The following ADAMTS20 variants were observed in gnomAD, a reference collection of about 807,000 sequenced individuals.
The protein encoded by ADAMTS20 is ADAM metallopeptidase with thrombospondin type 1 motif 20.
ADAMTS20 carries 225 observed loss-of-function variants against 260.1 expected under a neutral mutation model. That is an observed-to-expected ratio of 0.87 (90% confidence interval 0.78 to 0.97). The LOEUF (loss-of-function observed/expected upper bound fraction) is 0.97. ADAMTS20 is among the 50% of genes least tolerant of loss of function. The probability of loss-of-function intolerance (pLI) is 0.00; values close to 1 mark genes in which losing one functional copy is unlikely to be tolerated. For synonymous variants in ADAMTS20, 802 were observed against 769.5 expected (o/e 1.04, Z -0.70); for missense variants, 2,400 against 2,337.7 (o/e 1.03, Z -0.55).
chr12:43,477,414 G>A (rs1942376052), intron 7 of ADAMTS20, among the ~76,000 whole-genome samples: 2 of 152,252 alleles, frequency 1.3e-5, no homozygotes, highest in South Asian at 4.1e-4. Flanking sequence ...CAAACCCAGA[G>A]AATAGTTTGT....
intron 6 of ADAMTS20, 37 bp downstream of exon 6, chr12:43,492,468 A>C (rs1473889894): frequency 6.2e-7 from 1 of 1,605,934 alleles, no homozygotes. Context: ...GGGAAGAGTA[A>C]AGGATTGTAT....
At chr12:43,472,561 A>G (rs1942282812) in intron 7 of ADAMTS20, among the ~76,000 whole-genome samples, 2 of 134,742 alleles carry the variant, frequency 1.5e-5, no homozygotes, top group Admixed American at 7.6e-5. Flanking sequence ...GAAATGAAGG[A>G]AAAAATGTGA....
intron 3 of ADAMTS20, among the ~76,000 whole-genome samples, chr12:43,512,849 C>A (rs1426004230): frequency 1.3e-5 from 2 of 152,098 alleles, no homozygotes; most frequent in Non-Finnish European, 2.9e-5. Context: ...TTCTCAGTAT[C>A]AATTATTACA....
rs1943526532 is a variant in ADAMTS20, at chr12:43,552,066, T to C, written c.-145A>G. On this transcript the variant is annotated 5_prime_UTR_variant, in exon 1 of 39. Coordinates refer to ENST00000389420, the MANE Select transcript of ADAMTS20 (RefSeq NM_025003.5). The stretch of plus-strand genomic sequence containing the variant: ...GCCTAGGGAACAGCAGCGCGGGCCC[T>C]GGGCCGGCTGGTCCAGCCACACCGC... The C allele has an allele frequency of 6.0e-6, 4 of 662,576 alleles. No individual in the cohort carries two copies. The highest frequency in any genetic ancestry group is 1.0e-5 in the Non-Finnish European group (4 of 383,022). The allele number at this position is 662,576 out of a possible 1,614,324, so 41.0% of individuals were successfully genotyped here. A position where few individuals can be genotyped will look rare whatever the true frequency, so the allele number is the denominator to read the frequency against.
At chr12:43,520,271 CTTAAG>C (rs1395361171) in intron 3 of ADAMTS20, among the ~76,000 whole-genome samples, 2 of 151,918 alleles carry the variant, frequency 1.3e-5, no homozygotes, top group African/African-American at 4.8e-5. Context: ...AAAACAAGCG[CTTAAG>C]TTAAAGTTTT....
intron 3 of ADAMTS20, among the ~76,000 whole-genome samples, chr12:43,509,709 G>A (rs1244479642): frequency 1.3e-5 from 2 of 152,084 alleles, no homozygotes; most frequent in Non-Finnish European, 2.9e-5. Flanking sequence ...ATGGGTGACG[G>A]AAGTGAAATT....
intron 7 of ADAMTS20, among the ~76,000 whole-genome samples, chr12:43,485,309 T>A (rs1056064072): frequency 9.2e-5 from 14 of 151,860 alleles, no homozygotes; most frequent in African/African-American, 3.4e-4. Context: ...CATAAACAAT[T>A]AAAAACAAGA....
At chr12:43,528,348 C>CAAAAACAAAAA (rs1943171835) in intron 3 of ADAMTS20, among the ~76,000 whole-genome samples, 1 of 29,048 alleles carries the variant, frequency 3.4e-5, no homozygotes, top group Non-Finnish European at 5.4e-5. Context: ...CAATCCTAAG[C>CAAAAACAAAAA]AAAAAAAAAA....
rs375296101 is a variant in ADAMTS20 at position 43,428,256 on chromosome 12, G to T, written c.3930C>A (p.Thr1310=). 6.2e-7 allele frequency: 1 copy of T among 1,613,620 alleles called. No individual in the cohort carries two copies. Among genetic ancestry groups the T allele is most frequent in the African/African-American group, 1.3e-5 (1 of 74,874 alleles). Reference sequence around the variant, plus strand: ...GATGGCTTACTGATCCCCATGGTCCGGTTCTCCACTGGTTTCCTCTGACTG... The same window carrying T: ...GATGGCTTACTGATCCCCATGGTCCTGTTCTCCACTGGTTTCCTCTGACTG... The part of the protein sequence containing the change: ...HPSVRGNQWR[T]GPWGSCSSSC... The change falls in exon 26 of 39, where the codon ACC becomes ACA. Residue 1310 remains threonine, a synonymous_variant. Transcript: ENST00000389420.
intron 3 of ADAMTS20, among the ~76,000 whole-genome samples, chr12:43,525,836 G>A (rs996733989): frequency 2.6e-5 from 4 of 152,020 alleles, no homozygotes; most frequent in South Asian, 2.1e-4. Context: ...AATTACAACC[G>A]TAAATTAAAT....
At chr12:43,373,833 C>T (rs998735933) in intron 36 of ADAMTS20, among the ~76,000 whole-genome samples, 5 of 151,238 alleles carry the variant, frequency 3.3e-5, no homozygotes, top group Non-Finnish European at 7.4e-5. Context: ...GCGCCCGCCA[C>T]TACGCCCGGC....
intron 4 of ADAMTS20, among the ~76,000 whole-genome samples, chr12:43,494,495 A>G (rs780856803): frequency 1.9e-4 from 29 of 152,202 alleles, no homozygotes; most frequent in Non-Finnish European, 2.4e-4. Context: ...GCATAAATAC[A>G]TAATCCAGCA....
In ADAMTS20 at chr12:43,410,640, T is replaced by C. The variant is rs143558476; in HGVS notation, c.4285-11407A>G. ...ATCCAGAAACAGCTGAATAAGCCTA[T>C]TATTTGGCAATATGGAGGGTAAATA... On this transcript the variant is annotated intron_variant, in intron 28 of 38. Coordinates refer to ENST00000389420, the MANE Select transcript of ADAMTS20 (RefSeq NM_025003.5). Among the ~76,000 whole-genome samples, 1,013 of 152,330 alleles carry C rather than the reference T, an allele frequency of 6.7e-3. 9 individuals carry two copies. Among genetic ancestry groups the C allele is most frequent in the African/African-American group, 0.022 (927 of 41,582 alleles).
chr12:43,402,622 T>C (rs1940831904), intron 28 of ADAMTS20, among the ~76,000 whole-genome samples: 1 of 152,036 alleles, frequency 6.6e-6, no homozygotes, highest in Admixed American at 6.6e-5. Context: ...TTTCAAACCA[T>C]AATACATTCT....
At chr12:43,402,877 T>G (rs1940837199) in intron 28 of ADAMTS20, among the ~76,000 whole-genome samples, 1 of 152,084 alleles carries the variant, frequency 6.6e-6, no homozygotes, top group Non-Finnish European at 1.5e-5. Context: ...TACTGAGATT[T>G]TTTTTTTCCA....
chr12:43,473,243 C>G (rs1942297656), intron 7 of ADAMTS20, among the ~76,000 whole-genome samples: 1 of 44,812 alleles, frequency 2.2e-5, no homozygotes, highest in Non-Finnish European at 4.0e-5. Flanking sequence ...ACAAAGAAGG[C>G]CATTACATAA....
intron 2 of ADAMTS20, among the ~76,000 whole-genome samples, chr12:43,544,222 C>T (rs991448914): frequency 2.0e-5 from 3 of 152,178 alleles, no homozygotes; most frequent in East Asian, 1.9e-4. Context: ...TAGGTATCAT[C>T]GGAAGAGATT....
At chr12:43,530,676 T>C (rs1361789320) in intron 3 of ADAMTS20, among the ~76,000 whole-genome samples, 1 of 152,158 alleles carries the variant, frequency 6.6e-6, no homozygotes, top group Non-Finnish European at 1.5e-5. Context: ...TGATGGTAAC[T>C]GCAGGTGCCT....
intron 29 of ADAMTS20, among the ~76,000 whole-genome samples, chr12:43,385,617 A>C (rs1940455966): frequency 6.6e-6 from 1 of 152,076 alleles, no homozygotes; most frequent in Admixed American, 6.6e-5. Flanking sequence ...TCTTGAGTTA[A>C]TTTTTGTATA....
Sources: allele counts gnomAD v4.1 joint callset (sites outside exome capture counted in the v4.1 genomes callset), GRCh38; gene constraint gnomAD v4.1.1; transcripts MANE v1.5; gene names NCBI Gene and HGNC (gene_info 2026-07-23, HGNC 2026-07-21).